CPEB1: variants seen among roughly 807,000 people sequenced by gnomAD.
CPEB1 encodes cytoplasmic polyadenylation element binding protein 1.
CPEB1 carries 7 observed loss-of-function variants against 65.8 expected under a neutral mutation model. The ratio of observed to expected loss-of-function variants is 0.11; its 90% CI spans 0.06 to 0.20. The LOEUF (loss-of-function observed/expected upper bound fraction) is 0.20. Among genes scored for constraint, CPEB1 ranks in the 10% least tolerant of loss-of-function variants. CPEB1 has a pLI of 1.00. For missense variants in CPEB1, 551 were observed against 712.2 expected (o/e 0.77, Z 2.58); for synonymous variants, 262 against 260.0 (o/e 1.01, Z -0.08).
At position 82,645,765 on chromosome 15, in the gene CPEB1, G is replaced by C. The variant is rs1185971223; in HGVS notation, c.-98+1372C>G. Among the ~76,000 whole-genome samples, 5 of 152,200 alleles carry C rather than the reference G, an allele frequency of 3.3e-5. No individual in the cohort carries two copies. The East Asian group carries it at 9.7e-4, about 30-fold the overall frequency. Reference sequence around the variant, plus strand: ...AGCTTGTAATCCTAGCTACACAGGAGGCTGAGGCAGGAGAATCGCTTGAAC... The same window carrying C: ...AGCTTGTAATCCTAGCTACACAGGACGCTGAGGCAGGAGAATCGCTTGAAC... On this transcript the variant is annotated intron_variant, in intron 1 of 12. Coordinates refer to ENST00000684509, the MANE Select transcript of CPEB1 (RefSeq NM_001365242.1).
rs139829085 is a variant in CPEB1, at chr15:82,625,143, T to C, written c.271+2050A>G. On this transcript the variant is annotated intron_variant, in intron 3 of 12. Coordinates refer to ENST00000684509, the MANE Select transcript of CPEB1 (RefSeq NM_001365242.1). ...GCCTGTCATTCTTACTGGGACATAA[T>C]ACATGCAATTTTCTCAAAGGAGAAA... is the stretch of plus-strand genomic sequence containing the variant. Among the ~76,000 whole-genome samples, 769 of 152,298 alleles carry C rather than the reference T, an allele frequency of 5.0e-3. 5 individuals carry two copies. Among genetic ancestry groups the C allele is most frequent in the Non-Finnish European group, 6.8e-3 (463 of 68,028 alleles).
intron 4 of CPEB1, among the ~76,000 whole-genome samples, chr15:82,564,004 C>T (rs2151010588): frequency 6.6e-6 from 1 of 152,218 alleles, no homozygotes; most frequent in South Asian, 2.1e-4. Flanking sequence ...AAGAAATAAT[C>T]TTTTAAACAT....
chr15:82,577,214 C>T (rs2040748422), intron 3 of CPEB1, among the ~76,000 whole-genome samples: 2 of 152,210 alleles, frequency 1.3e-5, no homozygotes, highest in South Asian at 4.2e-4. Context: ...AGGCACACCA[C>T]TATGTCCAAC....
At chr15:82,616,118 T>C (rs1039090726) in intron 3 of CPEB1, among the ~76,000 whole-genome samples, 1 of 152,030 alleles carries the variant, frequency 6.6e-6, no homozygotes, top group African/African-American at 2.4e-5. Context: ...TGTCATATTC[T>C]TTGCATAAAG....
upstream of CPEB1, chr15:82,648,208 GCGCGCCATCACCTAAGTGA>G: frequency 3.5e-6 from 1 of 285,580 alleles, no homozygotes; most frequent in Non-Finnish European, 6.5e-6. Flanking sequence ...CTAAGCCTGA[GCGCGCCATCACCTAAGTGA>G]CCCTTGCCGA....
intron 3 of CPEB1, among the ~76,000 whole-genome samples, chr15:82,580,577 T>C (rs2041181242): frequency 6.6e-6 from 1 of 152,156 alleles, no homozygotes; most frequent in South Asian, 2.1e-4. Flanking sequence ...TTCAGAGGCA[T>C]TAGTACATTC....
At chr15:82,556,216 C>T (rs2037173396) in intron 5 of CPEB1, 94 bp from the exon 6 acceptor site, 1 of 1,316,336 alleles carries the variant, frequency 7.6e-7, no homozygotes, top group Non-Finnish European at 1.0e-6. Context: ...ATCCAATAGA[C>T]ATTTAGCATT....
At chr15:82,627,498 T>C (rs2151319175) in intron 2 of CPEB1, 131 bp from the exon 3 acceptor site, 2 of 633,090 alleles carry the variant, frequency 3.2e-6, no homozygotes, top group Non-Finnish European at 5.1e-6. Flanking sequence ...ACTTAATGAG[T>C]GTTTACTATG....
At chr15:82,598,029 G>C (rs1306323053) in intron 3 of CPEB1, among the ~76,000 whole-genome samples, 1 of 152,212 alleles carries the variant, frequency 6.6e-6, no homozygotes, top group Admixed American at 6.5e-5. Flanking sequence ...CTGTGAACCA[G>C]GAACCTGATG....
intron 12 of CPEB1, among the ~76,000 whole-genome samples, chr15:82,546,186 T>G (rs2035174241): frequency 6.6e-6 from 1 of 152,148 alleles, no homozygotes; most frequent in South Asian, 2.1e-4. Context: ...CTCGACTCAC[T>G]GCAACCTCCG....
chr15:82,553,327 G>A (rs909649651), intron 8 of CPEB1, 140 bp downstream of exon 8: 1 of 641,534 alleles, frequency 1.6e-6, no homozygotes, highest in African/African-American at 1.8e-5. Flanking sequence ...AGTGCTGACA[G>A]ATGGCAGGTC....
At chr15:82,628,025 G>T (rs4779037) in intron 2 of CPEB1, 182 of 585,690 alleles carry the variant, frequency 3.1e-4, no homozygotes, top group Admixed American at 1.4e-3. Context: ...AGATCAAGGG[G>T]TCATAAAGAC....
chr15:82,644,983 CA>C (rs1222837341), intron 1 of CPEB1, among the ~76,000 whole-genome samples: 1 of 152,190 alleles, frequency 6.6e-6, no homozygotes, highest in Non-Finnish European at 1.5e-5. Context: ...ATTCCTGTAT[CA>C]AACGCCTATG....
chr15:82,578,756 C>CA (rs1460734195), intron 3 of CPEB1, among the ~76,000 whole-genome samples: 1 of 151,842 alleles, frequency 6.6e-6, no homozygotes, highest in Non-Finnish European at 1.5e-5. Context: ...GATTCTGTCT[C>CA]AAAAAAACAA....
intron 3 of CPEB1, among the ~76,000 whole-genome samples, chr15:82,594,364 A>AAAAAGAAAAGAAAAG (rs59982583): frequency 0.017 from 2,538 of 150,212 alleles, 28 homozygotes; most frequent in Non-Finnish European, 0.024. Context: ...TGAACCAAAA[A>AAAAAGAAAAGAAAAG]AAAAGAAAAG....
chr15:82,609,319 TGA>T (rs1480409132), intron 3 of CPEB1, among the ~76,000 whole-genome samples: 1 of 151,768 alleles, frequency 6.6e-6, no homozygotes, highest in Admixed American at 6.6e-5. Flanking sequence ...GGCAACATAG[TGA>T]GAGACCCTGC....
At chr15:82,625,029 C>CA (rs935527430) in intron 3 of CPEB1, among the ~76,000 whole-genome samples, 3 of 152,112 alleles carry the variant, frequency 2.0e-5, no homozygotes, top group Non-Finnish European at 2.9e-5. Flanking sequence ...AACGGGGTTT[C>CA]ACCATGTTGC....
intron 3 of CPEB1, among the ~76,000 whole-genome samples, chr15:82,588,359 C>T (rs1214070901): frequency 6.6e-6 from 1 of 152,150 alleles, no homozygotes; most frequent in Non-Finnish European, 1.5e-5. Flanking sequence ...TAATTCCCTA[C>T]CCCAGAGATA....
At chr15:82,566,063 T>C (rs2039071094) in intron 4 of CPEB1, among the ~76,000 whole-genome samples, 1 of 152,212 alleles carries the variant, frequency 6.6e-6, no homozygotes, top group South Asian at 2.1e-4. Flanking sequence ...TTCACCCTTC[T>C]ATGCCAGCTC....
Sources: allele counts gnomAD v4.1 joint callset (sites outside exome capture counted in the v4.1 genomes callset), GRCh38; gene constraint gnomAD v4.1.1; transcripts MANE v1.5; gene names NCBI Gene and HGNC (gene_info 2026-07-23, HGNC 2026-07-21).